Variants in MYH11 observed in about 807,000 individuals in gnomAD.
The protein encoded by MYH11 is myosin-11.
In MYH11, 80 loss-of-function variants were observed where a neutral mutation model predicts 246.6. The observed-to-expected ratio is 0.32, with a 90% CI of 0.27 to 0.39. The LOEUF (loss-of-function observed/expected upper bound fraction) is 0.39, where lower values mean the gene tolerates loss of function less well. Ranked by LOEUF, MYH11 falls within the 10% of genes least tolerant of loss-of-function variation. The probability of loss-of-function intolerance (pLI) is 1.00; values close to 1 mark genes in which losing one functional copy is unlikely to be tolerated. For synonymous variants in MYH11, 1,071 were observed against 1,015.5 expected (o/e 1.05, Z -1.04); for missense variants, 2,158 against 2,546.8 (o/e 0.85, Z 3.29).
chr16:15,733,295 G>A (rs373886615), intron 26 of MYH11, among the ~76,000 whole-genome samples: 23 of 152,248 alleles, frequency 1.5e-4, no homozygotes, highest in East Asian at 7.7e-4. Flanking sequence ...GTGCGACAGC[G>A]CAATCTTGGC....
intron 15 of MYH11, 142 bp downstream of exon 15, chr16:15,753,252 C>T (rs2041621264): frequency 3.9e-6 from 3 of 761,104 alleles, no homozygotes; most frequent in Non-Finnish European, 6.9e-6. Flanking sequence ...AACGAGACAT[C>T]ACCAGCCCAT....
rs558408603 is a variant in MYH11 at position 15,744,300 on chromosome 16, T to A, written c.2520+829A>T. 3.5e-4 allele frequency among the ~76,000 whole-genome samples: 54 copies of A among 152,140 alleles called. No individual in the cohort carries two copies. The Middle Eastern group carries it at 0.01, about 29-fold the overall frequency. On this transcript the variant is annotated intron_variant, in intron 20 of 40. Transcript: ENST00000300036. The stretch of plus-strand genomic sequence containing the variant: ...ACCTCTGCCTCCCAGGTTCAAGTGA[T>A]TCTCTTGCCTCAGCCTCCTGAGTAG...
At chr16:15,827,892 G>A (rs2043614435) in intron 2 of MYH11, among the ~76,000 whole-genome samples, 1 of 152,128 alleles carries the variant, frequency 6.6e-6, no homozygotes. Flanking sequence ...AAAGAGAAGA[G>A]CCCAGTCTGT....
chr16:15,720,897 C>T lies in MYH11; in HGVS notation c.4733G>A (p.Arg1578Lys), dbSNP rs754206363. Reference protein sequence around the residue: ...NMQALKGQFERDLQARDEQNE... With the variant: ...NMQALKGQFEKDLQARDEQNE... Reference sequence around the variant, plus strand: ...CTGCTCGTCCCGGGCTTGGAGATCCCTTTCGAACTGGCCCTTGAGCGCCTG... The same window carrying T: ...CTGCTCGTCCCGGGCTTGGAGATCCTTTTCGAACTGGCCCTTGAGCGCCTG... Residue 1578 changes from arginine (R) to lysine (K), a missense_variant, in exon 33 of 41, where the codon AGG (arginine) becomes AAG (lysine). Coordinates refer to ENST00000300036, the MANE Select transcript of MYH11 (RefSeq NM_002474.3). 2 of 1,614,036 alleles carry T rather than the reference C, an allele frequency of 1.2e-6. No individual in the cohort carries two copies. The highest frequency in any genetic ancestry group is 1.1e-5 in the South Asian group (1 of 91,072).
At chr16:15,785,733 T>A (rs1406790937) in intron 5 of MYH11, 2 of 152,412 alleles carry the variant, frequency 1.3e-5, no homozygotes, top group Non-Finnish European at 2.9e-5. Context: ...TGCCCCCTCC[T>A]GTGGGATAGA....
chr16:15,830,502 T>C (rs1430798459), intron 2 of MYH11, among the ~76,000 whole-genome samples: 1 of 152,136 alleles, frequency 6.6e-6, no homozygotes, highest in East Asian at 1.9e-4. Flanking sequence ...GATGCAAAGA[T>C]TGAGACGCAC....
intron 3 of MYH11, among the ~76,000 whole-genome samples, chr16:15,808,058 CCCGT>C (rs2043055120): frequency 6.6e-6 from 1 of 152,180 alleles, no homozygotes; most frequent in African/African-American, 2.4e-5. Context: ...GTAATCAAAA[CCCGT>C]CTCTGCAGGG....
intron 2 of MYH11, among the ~76,000 whole-genome samples, chr16:15,832,885 C>A (rs2043777272): frequency 2.0e-5 from 3 of 149,856 alleles, no homozygotes; most frequent in Non-Finnish European, 4.4e-5. Flanking sequence ...GTCTGAATCC[C>A]AGCTCTGCCC....
chr16:15,717,320 G>T lies in MYH11; in HGVS notation c.5324C>A (p.Thr1775Lys), dbSNP rs2040212652. 1 of 1,610,580 alleles carries T rather than the reference G, an allele frequency of 6.2e-7. No individual in the cohort carries two copies. The highest frequency in any genetic ancestry group is 1.1e-5 in the South Asian group (1 of 91,088). Residue 1775 changes from threonine (T) to lysine (K), a missense_variant, in exon 38 of 41, where the codon ACA becomes AAA. Physicochemically the swap from Thr to Lys is moderately conservative, Grantham distance 78. Transcript: ENST00000300036. ...QAEQLSNELA[T>K]ERSTAQKNES... The stretch of plus-strand genomic sequence containing the variant: ...ATTCTTCTGGGCCGTGCTGCGCTCT[G>T]TGGCCAGCTCGTTGCTGAGCTGCTC...
chr16:15,716,109 AAAAAT>A (rs1286545824), intron 38 of MYH11, among the ~76,000 whole-genome samples: 17 of 151,892 alleles, frequency 1.1e-4, no homozygotes, highest in African/African-American at 3.9e-4. Flanking sequence ...TCAAAAAAAT[AAAAAT>A]AAAAAAGTCT....
intron 10 of MYH11, among the ~76,000 whole-genome samples, chr16:15,761,688 A>C (rs2041871068): frequency 6.6e-6 from 1 of 152,294 alleles, no homozygotes; most frequent in South Asian, 2.1e-4. Context: ...AAGGCAGAGT[A>C]AATAGAGTGA....
chr16:15,824,814 T>C (rs1005344857), intron 2 of MYH11, among the ~76,000 whole-genome samples: 2 of 152,102 alleles, frequency 1.3e-5, no homozygotes, highest in African/African-American at 4.8e-5. Flanking sequence ...AGTGACTCAG[T>C]CTCTAGAAGA....
Position 15,735,476 on chromosome 16 carries a change from G to T in MYH11, c.3396C>A (p.Ala1132=). 6.2e-7 allele frequency: 1 copy of T among 1,614,038 alleles called. No homozygotes were observed. The highest frequency in any genetic ancestry group is 8.5e-7 in the Non-Finnish European group (1 of 1,180,010). ...TCTGCTTTTCAGCCTTGTTCCTGGC[G>T]GCCCGCTCTGAGTCCAGGTCCTCCT... is the stretch of plus-strand genomic sequence containing the variant. ...DLQEDLDSER[A]ARNKAEKQKR... is the part of the protein sequence containing the mutation. Residue 1132 remains alanine, a synonymous_variant, in exon 26 of 41, where the codon GCC becomes GCA. Transcript: ENST00000300036.
intron 4 of MYH11, among the ~76,000 whole-genome samples, chr16:15,797,076 G>T (rs1359920516): frequency 1.3e-5 from 2 of 152,102 alleles, no homozygotes; most frequent in Admixed American, 1.3e-4. Context: ...GCACAGCTGG[G>T]CTCCTTAGTC....
intron 2 of MYH11, among the ~76,000 whole-genome samples, chr16:15,837,101 C>G: frequency 6.6e-6 from 1 of 152,160 alleles, no homozygotes; most frequent in East Asian, 1.9e-4. Context: ...TGTGCCATCT[C>G]TAGTCCACTC....
intron 10 of MYH11, among the ~76,000 whole-genome samples, chr16:15,761,365 G>A (rs1312390208): frequency 1.3e-5 from 2 of 152,112 alleles, no homozygotes; most frequent in Non-Finnish European, 2.9e-5. Flanking sequence ...CGCCCACCTC[G>A]GCCTCCCTAA....
chr16:15,713,028 A>AT (rs1455801410), intron 40 of MYH11: 1 of 151,260 alleles, frequency 6.6e-6, no homozygotes, highest in Non-Finnish European at 1.5e-5. Flanking sequence ...TAATTTTTAT[A>AT]TTTTTTGGTA....
intron 1 of MYH11, among the ~76,000 whole-genome samples, chr16:15,846,591 G>C (rs747489453): frequency 9.9e-5 from 15 of 152,274 alleles, no homozygotes; most frequent in Middle Eastern, 3.4e-3. Context: ...GCTCACGCCT[G>C]TAATCCCAGC....
rs775908168 is a variant in MYH11 at position 15,720,882 on chromosome 16, C to T, written c.4748G>A (p.Arg1583Gln). Residue 1583 changes from arginine to glutamine, a missense_variant, in exon 33 of 41, where the codon CGG (arginine) becomes CAG (glutamine). Physicochemically the swap from Arg to Gln is conservative, Grantham distance 43. Around this residue, in one of 11 missense-constraint regions of MYH11, gnomAD observed 1,013 missense variants for 993.5 expected, o/e 1.02. Coordinates refer to ENST00000300036, the MANE Select transcript of MYH11 (RefSeq NM_002474.3). ...CCTCTTCTCCTCATTCTGCTCGTCC[C>T]GGGCTTGGAGATCCCTTTCGAACTG... ...KGQFERDLQA[R>Q]DEQNEEKRRQ... is the part of the protein sequence containing the mutation. 20 of 1,613,884 alleles carry T rather than the reference C, an allele frequency of 1.2e-5. No homozygotes were observed. Among genetic ancestry groups the T allele is most frequent in the East Asian group, 6.7e-5 (3 of 44,862 alleles).
Sources: gnomAD v4.1 joint callset for allele counts (sites outside exome capture counted in the v4.1 genomes callset) on GRCh38, gnomAD v4.1.1 for gene constraint, gnomAD v4.1.1 regional missense constraint, MANE v1.5 for transcripts, NCBI Gene and HGNC (gene_info 2026-07-23, HGNC 2026-07-21) for gene names.